CIMAP1B: variants seen among roughly 807,000 people sequenced by gnomAD.
CIMAP1B encodes orf2 5' to PD-ECGF/TP.
chr22:50,530,813 C>A, the CIMAP1B span: 16 of 1,604,692 alleles, frequency 1.0e-5, no homozygotes, highest in East Asian at 2.7e-4. Flanking sequence ...GACTTGTAGA[C>A]CCCTGGACTC....
chr22:50,530,426 T>A, the CIMAP1B span: 1 of 1,495,978 alleles, frequency 6.7e-7, no homozygotes, highest in Admixed American at 2.0e-5. Context: ...GCGGACACGA[T>A]GCGGACTCGC....
the CIMAP1B span, chr22:50,531,693 A>T: frequency 3.7e-6 from 5 of 1,362,412 alleles, no homozygotes; most frequent in Non-Finnish European, 4.7e-6. Flanking sequence ...CCGGGGCCGC[A>T]CGTCGTCTGC....
chr22:50,530,801 G>C, the CIMAP1B span: 1 of 1,605,406 alleles, frequency 6.2e-7, no homozygotes. Flanking sequence ...TGGGGGGCCC[G>C]GGACTTGTAG....
the CIMAP1B span, chr22:50,531,735 C>A: frequency 7.3e-7 from 1 of 1,367,508 alleles, no homozygotes; most frequent in Non-Finnish European, 9.4e-7. Flanking sequence ...AAGGTGAAGG[C>A]GGGGGCGCGC....
chr22:50,530,812 A>T, the CIMAP1B span: 1 of 1,603,484 alleles, frequency 6.2e-7, no homozygotes, highest in South Asian at 1.1e-5. Context: ...GGACTTGTAG[A>T]CCCCTGGACT....
the CIMAP1B span, chr22:50,531,665 G>A: frequency 2.2e-6 from 3 of 1,371,086 alleles, no homozygotes; most frequent in Non-Finnish European, 2.8e-6. Context: ...CATGCGAGCG[G>A]GCACCAGGTG....
At chr22:50,532,062 A>T in the CIMAP1B span, 1 of 1,350,108 alleles carries the variant, frequency 7.4e-7, no homozygotes, top group Non-Finnish European at 9.6e-7. Flanking sequence ...AGGCCCACCC[A>T]GGCGTCCGAG....
At chr22:50,531,738 G>C in the CIMAP1B span, 3 of 1,373,240 alleles carry the variant, frequency 2.2e-6, no homozygotes, top group Non-Finnish European at 1.9e-6. Context: ...GTGAAGGCGG[G>C]GGCGCGCGGC....
the CIMAP1B span, chr22:50,532,196 G>A: frequency 1.6e-6 from 2 of 1,243,206 alleles, no homozygotes; most frequent in Non-Finnish European, 2.0e-6. Context: ...ATCAGCGCGG[G>A]GCGGGGCGGG....
At chr22:50,532,045 C>G in the CIMAP1B span, 2 of 1,344,922 alleles carry the variant, frequency 1.5e-6, no homozygotes, top group Non-Finnish European at 1.9e-6. Flanking sequence ...GCCGGTGTGG[C>G]CGCCAAAGGC....
chr22:50,531,703 C>A, the CIMAP1B span: 1 of 1,372,496 alleles, frequency 7.3e-7, no homozygotes, highest in Non-Finnish European at 9.4e-7. Flanking sequence ...ACGTCGTCTG[C>A]TGCGTGGGGA....
the CIMAP1B span, chr22:50,530,663 C>A: frequency 1.3e-6 from 2 of 1,598,592 alleles, no homozygotes; most frequent in Non-Finnish European, 1.7e-6. Context: ...CGACCTCAGG[C>A]CCTCCCCACT....
At chr22:50,531,682 C>T in the CIMAP1B span, 2 of 1,371,050 alleles carry the variant, frequency 1.5e-6, no homozygotes, top group Middle Eastern at 2.5e-4. Context: ...GGTGGCCTGG[C>T]CCGGGGCCGC....
the CIMAP1B span, chr22:50,530,464 G>A: frequency 3.8e-6 from 6 of 1,582,934 alleles, no homozygotes; most frequent in South Asian, 3.5e-5. Flanking sequence ...GTGTGGGGCC[G>A]CTCCCGCCTG....
chr22:50,532,311 G>A, the CIMAP1B span: 4 of 463,656 alleles, frequency 8.6e-6, no homozygotes, highest in South Asian at 3.9e-4. Flanking sequence ...CCGGACTCCA[G>A]GCGCATTAGG....
the CIMAP1B span, chr22:50,530,669 C>A: frequency 6.2e-7 from 1 of 1,603,012 alleles, no homozygotes; most frequent in Non-Finnish European, 8.5e-7. Flanking sequence ...CAGGCCCTCC[C>A]CACTCTCCTG....
chr22:50,530,965 G>T, the CIMAP1B span: 1 of 1,611,366 alleles, frequency 6.2e-7, no homozygotes, highest in Non-Finnish European at 8.5e-7. Context: ...GAAACTGCCA[G>T]CCGCTCTGCG....
At chr22:50,530,565 G>C in the CIMAP1B span, 1 of 1,584,554 alleles carries the variant, frequency 6.3e-7, no homozygotes, top group East Asian at 2.3e-5. Context: ...CCGGTGCTGC[G>C]GGCCCGGAGA....
chr22:50,532,023 TGGGGCCGC>T, the CIMAP1B span: 1 of 1,351,734 alleles, frequency 7.4e-7, no homozygotes, highest in East Asian at 3.0e-5. Flanking sequence ...TGCGCCGCGA[TGGGGCCGC>T]GGGGCCGGTG....
Sources: gnomAD v4.1 joint callset for allele counts on GRCh38, gnomAD v4.1.1 for gene constraint, MANE v1.5 for transcripts, NCBI Gene and HGNC (gene_info 2026-07-23, HGNC 2026-07-21) for gene names.